Variants in TSHZ2 observed in about 807,000 individuals in gnomAD.
TSHZ2 encodes the protein teashirt homolog 2.
TSHZ2 carries 21 observed loss-of-function variants against 74.4 expected under a neutral mutation model. The observed-to-expected ratio is 0.28, with a 90% CI of 0.20 to 0.41. The LOEUF is 0.41. Ranked by LOEUF, TSHZ2 falls within the 10% of genes least tolerant of loss-of-function variation. TSHZ2 has a pLI of 1.00. For missense variants in TSHZ2, 1,244 were observed against 1,293.5 expected, an observed-to-expected ratio of 0.96 and a Z score of 0.59; for synonymous variants, 540 against 515.3, an observed-to-expected ratio of 1.05 and a Z score of -0.65.
At chr20:53,469,756 G>GAAAAA (rs777212593) in intron 2 of TSHZ2, among the ~76,000 whole-genome samples, 22 of 112,380 alleles carry the variant, frequency 2.0e-4, no homozygotes, top group South Asian at 3.8e-4. Context: ...ACCCAAGAAA[G>GAAAAA]ATAGAGAGGG....
intron 1 of TSHZ2, among the ~76,000 whole-genome samples, chr20:53,026,876 G>C (rs1983464796): frequency 6.6e-6 from 1 of 152,076 alleles, no homozygotes; most frequent in South Asian, 2.1e-4. Flanking sequence ...AGTGGCTCAT[G>C]CCTGTAATCC....
At chr20:53,326,493 A>T (rs200642) in intron 2 of TSHZ2, among the ~76,000 whole-genome samples, 128,965 of 152,212 alleles carry the variant, frequency 0.85, 55,038 homozygotes, top group African/African-American at 0.95. Flanking sequence ...CTTATCTTTT[A>T]GCTGTACATG....
At chr20:53,026,211 A>G (rs933190026) in intron 1 of TSHZ2, among the ~76,000 whole-genome samples, 1 of 152,078 alleles carries the variant, frequency 6.6e-6, no homozygotes, top group Non-Finnish European at 1.5e-5. Flanking sequence ...GACCAAGTTT[A>G]TAAGAAACAG....
chr20:53,370,458 C>G (rs1361385787), intron 2 of TSHZ2, among the ~76,000 whole-genome samples: 1 of 152,160 alleles, frequency 6.6e-6, no homozygotes, highest in East Asian at 1.9e-4. Flanking sequence ...TTAGCAACCG[C>G]TTTAATTAAA....
At chr20:53,387,784 C>A (rs574173835) in intron 2 of TSHZ2, among the ~76,000 whole-genome samples, 7 of 152,228 alleles carry the variant, frequency 4.6e-5, no homozygotes, top group South Asian at 2.1e-4. Flanking sequence ...TGGTGGTTCA[C>A]GCCTGTAATC....
At chr20:53,280,449 A>G (rs1295666188) in intron 2 of TSHZ2, among the ~76,000 whole-genome samples, 1 of 152,194 alleles carries the variant, frequency 6.6e-6, no homozygotes, top group Non-Finnish European at 1.5e-5. Flanking sequence ...TCTGGGCACT[A>G]ATGTGACTTG....
chr20:53,081,703 G>A (rs149367387), intron 1 of TSHZ2, among the ~76,000 whole-genome samples: 87 of 152,178 alleles, frequency 5.7e-4, no homozygotes, highest in African/African-American at 2.0e-3. Context: ...GCATAAAACG[G>A]TGCTACTGTT....
chr20:53,363,634 T>C (rs1365095436), intron 2 of TSHZ2, among the ~76,000 whole-genome samples: 1 of 152,130 alleles, frequency 6.6e-6, no homozygotes, highest in Non-Finnish European at 1.5e-5. Flanking sequence ...TCTGGGTGCA[T>C]GGAAAGTCAT....
At chr20:53,000,075 G>A (rs1162746472) in intron 1 of TSHZ2, among the ~76,000 whole-genome samples, 2 of 152,184 alleles carry the variant, frequency 1.3e-5, no homozygotes, top group Non-Finnish European at 1.5e-5. Flanking sequence ...GTCTTTTTCT[G>A]TCTCACTCAC....
chr20:53,286,422 A>T (rs983083904), intron 2 of TSHZ2, among the ~76,000 whole-genome samples: 3 of 152,180 alleles, frequency 2.0e-5, no homozygotes, highest in African/African-American at 7.2e-5. Flanking sequence ...CCTTCATTAG[A>T]GATTCTTTTT....
intron 2 of TSHZ2, among the ~76,000 whole-genome samples, chr20:53,273,746 C>T (rs1335837966): frequency 1.3e-5 from 2 of 152,106 alleles, no homozygotes; most frequent in Admixed American, 6.5e-5. Flanking sequence ...GGAAGGAATG[C>T]GTGGACCTGG....
At chr20:52,984,716 C>G (rs1383364845) in intron 1 of TSHZ2, among the ~76,000 whole-genome samples, 1 of 152,088 alleles carries the variant, frequency 6.6e-6, no homozygotes, top group African/African-American at 2.4e-5. Context: ...TTATCAGGGA[C>G]CCAGGTTGCG....
intron 2 of TSHZ2, among the ~76,000 whole-genome samples, chr20:53,315,641 A>G (rs1274965272): frequency 6.6e-6 from 1 of 152,120 alleles, no homozygotes; most frequent in African/African-American, 2.4e-5. Context: ...CCTGTTGTTC[A>G]TTTGTTCAGT....
chr20:53,306,587 GA>G (rs1007537313), intron 2 of TSHZ2, among the ~76,000 whole-genome samples: 13 of 150,626 alleles, frequency 8.6e-5, no homozygotes, highest in South Asian at 2.1e-4. Context: ...CCTCGCGGAG[GA>G]AAAAAAAATA....
At chr20:53,225,036 G>GC (rs1989653281) in intron 1 of TSHZ2, among the ~76,000 whole-genome samples, 1 of 152,128 alleles carries the variant, frequency 6.6e-6, no homozygotes, top group African/African-American at 2.4e-5. Flanking sequence ...GGTTTCTGTT[G>GC]CAACTGCTCC....
intron 2 of TSHZ2, among the ~76,000 whole-genome samples, chr20:53,342,298 CTTTT>C (rs150260645): frequency 1.2e-4 from 14 of 115,356 alleles, no homozygotes; most frequent in Non-Finnish European, 1.4e-4. Context: ...TCTTCTCAGG[CTTTT>C]TTTTTTTTTT....
intron 2 of TSHZ2, among the ~76,000 whole-genome samples, chr20:53,285,221 C>G (rs1234100637): frequency 2.0e-5 from 3 of 152,192 alleles, no homozygotes; most frequent in Non-Finnish European, 4.4e-5. Context: ...TCACAGAGCA[C>G]CAGCTCAACG....
At chr20:53,063,364 C>G (rs571205650) in intron 1 of TSHZ2, among the ~76,000 whole-genome samples, 5 of 152,208 alleles carry the variant, frequency 3.3e-5, no homozygotes, top group Admixed American at 2.0e-4. Flanking sequence ...TCTACTTTGC[C>G]TATATATTAC....
chr20:53,270,304 C>G (rs778529843), intron 2 of TSHZ2, among the ~76,000 whole-genome samples: 1 of 152,158 alleles, frequency 6.6e-6, no homozygotes, highest in African/African-American at 2.4e-5. Context: ...TGTGGAGTAC[C>G]AGAGCCCAAT....
Sources: allele counts gnomAD v4.1 joint callset (sites outside exome capture counted in the v4.1 genomes callset), GRCh38; gene constraint gnomAD v4.1.1; transcripts MANE v1.5; gene names NCBI Gene and HGNC (gene_info 2026-07-23, HGNC 2026-07-21).